The following SLC22A23 variants were observed in gnomAD, a reference collection of about 807,000 sequenced individuals.
SLC22A23 encodes the protein solute carrier family 22 member 23.
SLC22A23 carries 26 observed loss-of-function variants against 61.0 expected under a neutral mutation model. The observed-to-expected ratio is 0.43, with a 90% CI of 0.31 to 0.59. The LOEUF (loss-of-function observed/expected upper bound fraction) is 0.59. SLC22A23 is among the 20% of genes least tolerant of loss of function. SLC22A23 has a pLI of 0.11. For missense variants in SLC22A23, 796 were observed against 934.7 expected, an observed-to-expected ratio of 0.85 and a Z score of 1.94; for synonymous variants, 430 against 413.9, an observed-to-expected ratio of 1.04 and a Z score of -0.47.
chr6:3,270,349 C>G lies in SLC22A23; in HGVS notation c.*2706G>C, dbSNP rs940949613. ...GAGCCCGGCGGGCCCAGATGCGTAT[C>G]AGGCTTGGGTGGGTCCTGCCACCTT... On this transcript the variant is annotated 3_prime_UTR_variant, in exon 10 of 10. Transcript: ENST00000406686. 1 of 152,470 alleles carries G rather than the reference C, an allele frequency of 6.6e-6. No homozygotes were observed. The highest frequency in any genetic ancestry group is 6.5e-5 in the Admixed American group (1 of 15,294). 9.4% of individuals were successfully genotyped at this position (152,470 alleles called of 1,614,324 possible).
intron 1 of SLC22A23, among the ~76,000 whole-genome samples, chr6:3,432,987 G>A (rs1004862413): frequency 2.0e-5 from 3 of 152,292 alleles, no homozygotes; most frequent in African/African-American, 7.2e-5. Context: ...CTACAAGCTG[G>A]GGCTTTGTGG....
In SLC22A23 at chr6:3,386,921, C is replaced by G. The variant is rs572442057; in HGVS notation, c.913+23267G>C. Among the ~76,000 whole-genome samples the G allele has an allele frequency of 5.3e-5, 8 of 152,378 alleles. No individual in the cohort carries two copies. Among genetic ancestry groups the G allele is most frequent in the African/African-American group, 1.9e-4 (8 of 41,596 alleles). ...CAGCAGGCCTTTCTCTGGTTCGTCA[C>G]TCAGACCACCACTCCAGCCTTTGAA... is the stretch of plus-strand genomic sequence containing the variant. On this transcript the variant is annotated intron_variant, in intron 3 of 9. Coordinates refer to ENST00000406686, the MANE Select transcript of SLC22A23 (RefSeq NM_015482.2). The surrounding 1 kb of genome is among the most constrained non-coding windows in gnomAD (Gnocchi z 4.4).
intron 3 of SLC22A23, among the ~76,000 whole-genome samples, chr6:3,379,691 A>G (rs1328899885): frequency 6.6e-6 from 1 of 152,042 alleles, no homozygotes; most frequent in African/African-American, 2.4e-5. Flanking sequence ...GCTTCATATC[A>G]CCTTGAACAC....
chr6:3,323,213 A>AT (rs1323633714), intron 4 of SLC22A23: 4 of 455,960 alleles, frequency 8.8e-6, no homozygotes, highest in African/African-American at 2.0e-5. Flanking sequence ...TGGGCAAGCT[A>AT]TTTTTTGTAA....
intron 4 of SLC22A23, among the ~76,000 whole-genome samples, chr6:3,299,088 A>T (rs928767319): frequency 4.6e-5 from 7 of 152,156 alleles, no homozygotes; most frequent in Non-Finnish European, 8.8e-5. Context: ...CTGCACCATC[A>T]CTGTGTACCC....
rs1252471717 is a variant in SLC22A23 at position 3,327,166 on chromosome 6, T to C, written c.914-3164A>G. ...AGCAGCTCCCACACCTTGAAGATGG[T>C]TCCAGTCGCCTGGCCAGGGGCCACT... On this transcript the variant is annotated intron_variant, in intron 3 of 9. Coordinates refer to ENST00000406686, the MANE Select transcript of SLC22A23 (RefSeq NM_015482.2). The surrounding 1 kb of genome is among the most constrained non-coding windows in gnomAD (Gnocchi z 4.1). 6.6e-6 allele frequency among the ~76,000 whole-genome samples: 1 copy of C among 152,232 alleles called. No homozygotes were observed. The highest frequency in any genetic ancestry group is 1.5e-5 in the Non-Finnish European group (1 of 68,046).
chr6:3,283,057 A>G (rs755862025), intron 9 of SLC22A23, among the ~76,000 whole-genome samples: 1 of 152,152 alleles, frequency 6.6e-6, no homozygotes, highest in African/African-American at 2.4e-5. Context: ...CTCTCCATCC[A>G]TGTTTCTTAC....
At chr6:3,397,173 G>T (rs1561951016) in intron 3 of SLC22A23, among the ~76,000 whole-genome samples, 1 of 152,190 alleles carries the variant, frequency 6.6e-6, no homozygotes, top group South Asian at 2.1e-4. Context: ...AGGGGGACAA[G>T]GGAACTTTTC....
Position 3,410,380 on chromosome 6 carries a change from A to C in SLC22A23, c.759-38T>G. ...AGGGAAAAAGTTAGGAATCATTGTG[A>C]AACAAGACAATGACGCTAGATGCTG... On this transcript the variant is annotated intron_variant, in intron 2 of 9. Transcript: ENST00000406686. This position sits in a 1 kb window ranked among gnomAD's most constrained non-coding sequence, Gnocchi z 5.0. 2 of 1,540,634 alleles carry C rather than the reference A, an allele frequency of 1.3e-6. No individual in the cohort carries two copies.
intron 4 of SLC22A23, chr6:3,312,434 G>T (rs1309306736): frequency 1.3e-5 from 2 of 152,150 alleles, no homozygotes; most frequent in African/African-American, 4.8e-5. Flanking sequence ...GTGTGAGGAG[G>T]TAAGTAGGCA....
intron 1 of SLC22A23, among the ~76,000 whole-genome samples, chr6:3,431,800 G>A (rs76462006): frequency 0.02 from 3,087 of 152,310 alleles, 106 homozygotes; most frequent in African/African-American, 0.069. Flanking sequence ...CAGGTGGCCA[G>A]CTGGGGACCA....
intron 9 of SLC22A23, among the ~76,000 whole-genome samples, chr6:3,277,441 A>C (rs1196091913): frequency 8.6e-5 from 13 of 151,146 alleles, no homozygotes; most frequent in Admixed American, 5.9e-4. Flanking sequence ...GCCGCAGTGC[A>C]CTTGCCAAAC....
In SLC22A23 at chr6:3,339,405, C is replaced by G. The variant is rs574421076; in HGVS notation, c.914-15403G>C. On this transcript the variant is annotated intron_variant, in intron 3 of 9. Transcript: ENST00000406686. ...GGTCCTGTCCCTCCTGGGGTGACAG[C>G]CTCCACTTTCCAATTCATAATGTCA... Among the ~76,000 whole-genome samples, 32 of 152,274 alleles carry G rather than the reference C, an allele frequency of 2.1e-4. 1 individual carries two copies. The highest frequency in any genetic ancestry group is 1.8e-3 in the Admixed American group (28 of 15,298).
chr6:3,415,629 G>T, intron 2 of SLC22A23, 123 bp downstream of exon 2: 1 of 654,858 alleles, frequency 1.5e-6, no homozygotes, highest in Non-Finnish European at 2.7e-6. Context: ...TGGCAGCTTT[G>T]GCCTTCTGCT....
chr6:3,428,041 C>G (rs1265631936), intron 1 of SLC22A23, among the ~76,000 whole-genome samples: 2 of 152,222 alleles, frequency 1.3e-5, no homozygotes, highest in Non-Finnish European at 2.9e-5. Flanking sequence ...CAGATAGAAC[C>G]TCAAAGCATC....
At chr6:3,325,529 T>C (rs1763226920) in intron 3 of SLC22A23, among the ~76,000 whole-genome samples, 1 of 152,222 alleles carries the variant, frequency 6.6e-6, no homozygotes, top group Non-Finnish European at 1.5e-5. Flanking sequence ...TTTCTACCAT[T>C]TAATTAGGAA....
At chr6:3,397,079 C>T (rs1159730797) in intron 3 of SLC22A23, among the ~76,000 whole-genome samples, 1 of 152,198 alleles carries the variant, frequency 6.6e-6, no homozygotes. Context: ...CGCAGCCCCA[C>T]AGCCTGTCCG....
intron 1 of SLC22A23, among the ~76,000 whole-genome samples, chr6:3,445,817 A>C (rs115668371): frequency 6.6e-6 from 1 of 152,080 alleles, no homozygotes; most frequent in Non-Finnish European, 1.5e-5. Flanking sequence ...CCCTACAACA[A>C]GGAGGGGTGG....
chr6:3,307,552 C>G (rs1762068306), intron 4 of SLC22A23, among the ~76,000 whole-genome samples: 1 of 152,260 alleles, frequency 6.6e-6, no homozygotes, highest in Non-Finnish European at 1.5e-5. Context: ...TGTTCCACTG[C>G]AGGATAGTCA....
Sources: allele counts gnomAD v4.1 joint callset (sites outside exome capture counted in the v4.1 genomes callset), GRCh38; gene constraint gnomAD v4.1.1; non-coding constraint Gnocchi (gnomAD v3.1); transcripts MANE v1.5; gene names NCBI Gene and HGNC (gene_info 2026-07-23, HGNC 2026-07-21).